MBOAT2: variants seen among roughly 807,000 people sequenced by gnomAD.
MBOAT2 encodes membrane-bound glycerophospholipid O-acyltransferase 2.
In MBOAT2, 28 loss-of-function variants were observed where a neutral mutation model predicts 63.4. The observed-to-expected ratio is 0.44, with a 90% CI of 0.33 to 0.61. MBOAT2 has a LOEUF of 0.61. Ranked by LOEUF, MBOAT2 falls within the 20% of genes least tolerant of loss-of-function variation. The probability of loss-of-function intolerance (pLI) is 0.03; values close to 1 mark genes in which losing one functional copy is unlikely to be tolerated. For missense variants in MBOAT2, 470 were observed against 605.8 expected, an observed-to-expected ratio of 0.78 and a Z score of 2.35; for synonymous variants, 211 against 215.6, an observed-to-expected ratio of 0.98 and a Z score of 0.19.
Position 8,864,173 on chromosome 2 carries a change from T to C in MBOAT2, c.1049A>G (p.Lys350Arg). The change falls in exon 10 of 13, where the codon AAA (lysine) becomes AGA (arginine). Residue 350 changes from lysine to arginine, a missense_variant. Around this residue, in one of 3 missense-constraint regions of MBOAT2, gnomAD observed 376 missense variants for 503.8 expected, o/e 0.75. Transcript: ENST00000305997. ...NWNIQTALWLKRVCYERTSFS... is the reference protein window; with the variant it reads ...NWNIQTALWLRRVCYERTSFS... ...GATCGTTTTTGAAGGAACGCACCTT[T>C]TGAGCCAAAGAGCTGTCTGAATATT... The C allele has an allele frequency of 6.3e-7, 1 of 1,579,604 alleles. No homozygotes were observed. The highest frequency in any genetic ancestry group is 8.6e-7 in the Non-Finnish European group (1 of 1,167,334).
chr2:8,915,631 G>A (rs1236791483), intron 3 of MBOAT2, among the ~76,000 whole-genome samples: 1 of 152,196 alleles, frequency 6.6e-6, no homozygotes, highest in Non-Finnish European at 1.5e-5. Context: ...AGGGAAGGGT[G>A]TTGGGGAAAG....
chr2:8,888,990 A>G (rs950385686), intron 4 of MBOAT2, among the ~76,000 whole-genome samples: 1 of 152,250 alleles, frequency 6.6e-6, no homozygotes, highest in Non-Finnish European at 1.5e-5. Context: ...TTGAAACAAT[A>G]ATATAATAAA....
chr2:8,915,945 G>A (rs951725165), intron 3 of MBOAT2, among the ~76,000 whole-genome samples: 32 of 152,080 alleles, frequency 2.1e-4, no homozygotes, highest in Admixed American at 2.1e-3. Flanking sequence ...CCCCATCACT[G>A]TCATCTCACC....
At position 9,003,229 on chromosome 2, in the gene MBOAT2, C is replaced by A. The variant is rs1191322962; in HGVS notation, c.75+311G>T. On this transcript the variant is annotated intron_variant, in intron 1 of 12. Coordinates refer to ENST00000305997, the MANE Select transcript of MBOAT2 (RefSeq NM_138799.4). This position sits in a 1 kb window ranked among gnomAD's most constrained non-coding sequence, Gnocchi z 5.4. ...CCACCGGATCCGAGCGCCGCTGCCG[C>A]GAAGGGCAGGGACCGCATGCACACC... Among the ~76,000 whole-genome samples, 2 of 152,192 alleles carry A rather than the reference C, an allele frequency of 1.3e-5. No homozygotes were observed. The highest frequency in any genetic ancestry group is 4.8e-5 in the African/African-American group (2 of 41,460).
chr2:8,875,086 T>C (rs1465922793), intron 7 of MBOAT2, among the ~76,000 whole-genome samples: 1 of 152,144 alleles, frequency 6.6e-6, no homozygotes, highest in Admixed American at 6.5e-5. Context: ...TCCTAACTGA[T>C]GCAGATAGAG....
chr2:8,964,968 T>C (rs1669882828), intron 1 of MBOAT2, among the ~76,000 whole-genome samples: 1 of 152,196 alleles, frequency 6.6e-6, no homozygotes, highest in African/African-American at 2.4e-5. Context: ...TATCTGAAAC[T>C]GATCTTTTGC....
chr2:8,940,239 A>G (rs1350202160), intron 3 of MBOAT2, among the ~76,000 whole-genome samples: 2 of 152,168 alleles, frequency 1.3e-5, no homozygotes, highest in African/African-American at 4.8e-5. Flanking sequence ...TAAAAGGCAG[A>G]GAACAGGAAG....
chr2:8,962,828 C>T (rs1469386853), intron 1 of MBOAT2, among the ~76,000 whole-genome samples: 1 of 151,746 alleles, frequency 6.6e-6, no homozygotes, highest in Non-Finnish European at 1.5e-5. Context: ...CTAAAAACAT[C>T]CTAAGTAACA....
Position 8,857,068 on chromosome 2 carries a change from A to T in MBOAT2, c.*1611T>A, listed in dbSNP as rs1661138780. 6.6e-6 allele frequency: 1 copy of T among 152,638 alleles called. No homozygotes were observed. The highest frequency in any genetic ancestry group is 2.1e-4 in the South Asian group (1 of 4,834). The allele number at this position is 152,638 out of a possible 1,614,324, so 9.5% of individuals were successfully genotyped here. Reference sequence around the variant, plus strand: ...TGCTTTTCCTTTCTTCTTTAAATGAAGTATTATATAGCATAAGCCAGATGG... The same window carrying T: ...TGCTTTTCCTTTCTTCTTTAAATGATGTATTATATAGCATAAGCCAGATGG... On this transcript the variant is annotated 3_prime_UTR_variant, in exon 13 of 13. Transcript: ENST00000305997.
intron 4 of MBOAT2, among the ~76,000 whole-genome samples, chr2:8,891,332 G>C (rs942166573): frequency 5.3e-5 from 8 of 152,220 alleles, no homozygotes; most frequent in African/African-American, 1.9e-4. Flanking sequence ...ATTAAAGAGA[G>C]CTCAGAAATG....
At chr2:8,883,312 C>A (rs2148541765) in intron 5 of MBOAT2, among the ~76,000 whole-genome samples, 1 of 152,064 alleles carries the variant, frequency 6.6e-6, no homozygotes, top group South Asian at 2.1e-4. Context: ...ATACATGTAG[C>A]CAACTAACGT....
At chr2:8,884,195 C>CAAAAAAAA (rs1169179642) in intron 5 of MBOAT2, among the ~76,000 whole-genome samples, 1 of 22,102 alleles carries the variant, frequency 4.5e-5, no homozygotes, top group Non-Finnish European at 8.9e-5. Context: ...AAGACTCAGC[C>CAAAAAAAA]AAAAAAAAAA....
At chr2:8,996,878 C>T (rs1381859557) in intron 1 of MBOAT2, among the ~76,000 whole-genome samples, 3 of 152,212 alleles carry the variant, frequency 2.0e-5, no homozygotes, top group African/African-American at 7.2e-5. Flanking sequence ...AATGCCAGAA[C>T]AATGCCAAAT....
chr2:8,868,267 C>A (rs1662044684), intron 9 of MBOAT2, among the ~76,000 whole-genome samples, 179 bp downstream of exon 9: 1 of 152,186 alleles, frequency 6.6e-6, no homozygotes, highest in African/African-American at 2.4e-5. Context: ...CTATCTTATT[C>A]CTTGTCTCCA....
intron 3 of MBOAT2, among the ~76,000 whole-genome samples, chr2:8,938,560 C>T (rs1310584631): frequency 7.3e-5 from 11 of 151,596 alleles, no homozygotes; most frequent in Admixed American, 3.3e-4. Flanking sequence ...CATCTCATGC[C>T]GCTGTGTCTC....
intron 9 of MBOAT2, among the ~76,000 whole-genome samples, chr2:8,865,442 G>A (rs1661800889): frequency 6.6e-6 from 1 of 152,036 alleles, no homozygotes. Flanking sequence ...AGGAGAAGTG[G>A]TCCTTCTCCT....
rs529678068 is a variant in MBOAT2 at position 8,982,004 on chromosome 2, G to A, written c.75+21536C>T. On this transcript the variant is annotated intron_variant, in intron 1 of 12. Transcript: ENST00000305997. ...ATATGAGTAGTGGGCTTACCTAAGC[G>A]ATGCTGGGTACATACCACTCAACTT... 2.6e-5 allele frequency among the ~76,000 whole-genome samples: 4 copies of A among 152,230 alleles called. No individual in the cohort carries two copies. In the East Asian group the frequency reaches 5.8e-4, roughly 22 times the overall value.
chr2:8,876,166 T>C (rs963166732), intron 7 of MBOAT2, among the ~76,000 whole-genome samples: 2 of 152,242 alleles, frequency 1.3e-5, no homozygotes, highest in African/African-American at 4.8e-5. Flanking sequence ...CCTCACTGCC[T>C]TTCTTTATGA....
chr2:8,934,403 T>C (rs1322745936), intron 3 of MBOAT2, among the ~76,000 whole-genome samples: 1 of 152,162 alleles, frequency 6.6e-6, no homozygotes. Flanking sequence ...ACACAACTAA[T>C]TCAAATCCTA....
Sources: allele counts gnomAD v4.1 joint callset (sites outside exome capture counted in the v4.1 genomes callset), GRCh38; gene constraint gnomAD v4.1.1; regional missense constraint gnomAD v4.1.1; non-coding constraint Gnocchi (gnomAD v3.1); transcripts MANE v1.5; gene names NCBI Gene and HGNC (gene_info 2026-07-23, HGNC 2026-07-21).